Variants in MYO15A observed in about 807,000 individuals in gnomAD.
The protein encoded by MYO15A is myosin XVA, also known as unconventional myosin-XV.
MYO15A carries 308 observed loss-of-function variants against 394.6 expected under a neutral mutation model. The observed-to-expected ratio is 0.78, with a 90% CI of 0.71 to 0.86. MYO15A has a LOEUF of 0.86. Ranked by LOEUF, MYO15A falls within the 40% of genes least tolerant of loss-of-function variation. The pLI is 0.00. For synonymous variants in MYO15A, 1,957 were observed against 2,003.8 expected (o/e 0.98, Z 0.62); for missense variants, 4,606 against 4,799.1 (o/e 0.96, Z 1.19).
chr17:18,129,873 G>GTTTTTT (rs1420063888), intron 7 of MYO15A, among the ~76,000 whole-genome samples: 1 of 152,008 alleles, frequency 6.6e-6, no homozygotes, highest in Non-Finnish European at 1.5e-5. Context: ...TATTCCTTTT[G>GTTTTTT]TTTTTTGTTT....
Position 18,126,429 on chromosome 17 carries a change from A to G in MYO15A, c.3839A>G (p.Asn1280Ser). Residue 1280 changes from asparagine to serine, a missense_variant, in exon 5 of 66, where the codon AAC becomes AGC. By Grantham distance (46) the Asn-to-Ser change is conservative. Around this residue, in one of 2 missense-constraint regions of MYO15A, gnomAD observed 2,776 missense variants for 3,109.3 expected, o/e 0.89. Coordinates refer to ENST00000647165, the MANE Select transcript of MYO15A (RefSeq NM_016239.4). ...GGGCCGGAGCAGGTGCAGCAGTACA[A>G]CGGACGGGCCCTGGGAGAGAATCCC... Reference protein sequence around the residue: ...IYGPEQVQQYNGRALGENPPH... With the variant: ...IYGPEQVQQYSGRALGENPPH... 1 of 1,613,618 alleles carries G rather than the reference A, an allele frequency of 6.2e-7. No homozygotes were observed. Among genetic ancestry groups the G allele is most frequent in the Non-Finnish European group, 8.5e-7 (1 of 1,179,924 alleles).
intron 53 of MYO15A, 63 bp downstream of exon 53, chr17:18,159,060 G>A: frequency 6.5e-7 from 1 of 1,542,944 alleles, no homozygotes; most frequent in Non-Finnish European, 8.9e-7. Context: ...CCCCCTCCCA[G>A]GCCCCTGGGG....
In MYO15A at chr17:18,147,827, T is replaced by A. The variant is rs2046506755; in HGVS notation, c.6510-202T>A. Among the ~76,000 whole-genome samples the A allele has an allele frequency of 6.6e-6, 1 of 152,062 alleles. No homozygotes were observed. ...TTTTGTAGGCTAGCCTGGGACCCCT[T>A]AAGTGCAGTCCCAGAGCACTGGACT... On this transcript the variant is annotated intron_variant, in intron 30 of 65. Transcript: ENST00000647165. This position sits in a 1 kb window ranked among gnomAD's most constrained non-coding sequence, Gnocchi z 4.4.
At chr17:18,154,387 C>T (rs1203747126) in intron 44 of MYO15A, among the ~76,000 whole-genome samples, 197 bp downstream of exon 44, 6 of 152,170 alleles carry the variant, frequency 3.9e-5, no homozygotes, top group African/African-American at 9.7e-5. Context: ...CCAATCAGAG[C>T]CATAGTCTGT....
chr17:18,110,810 C>G (rs2045710901), intron 1 of MYO15A, among the ~76,000 whole-genome samples: 1 of 152,240 alleles, frequency 6.6e-6, no homozygotes, highest in Admixed American at 6.5e-5. Context: ...TCACTCTGCT[C>G]CAGCCATAGG....
At chr17:18,131,634 A>G in intron 10 of MYO15A, 103 bp downstream of exon 10, 1 of 1,355,520 alleles carries the variant, frequency 7.4e-7, no homozygotes, top group African/African-American at 1.4e-5. Flanking sequence ...CGTCAAATTA[A>G]TGAACGAATA....
intron 56 of MYO15A, 158 bp from the exon 57 acceptor site, chr17:18,161,159 C>A: frequency 8.7e-7 from 1 of 1,149,596 alleles, no homozygotes; most frequent in Non-Finnish European, 1.3e-6. Flanking sequence ...ACTTCCCAAG[C>A]AGAATATGCC....
chr17:18,113,835 C>CACACAA lies in MYO15A; in HGVS notation c.-219-4742_-219-4741insAACACA, dbSNP rs1555536609. On this transcript the variant is annotated intron_variant, in intron 1 of 65. Coordinates refer to ENST00000647165, the MANE Select transcript of MYO15A (RefSeq NM_016239.4). The stretch of plus-strand genomic sequence containing the variant: ...ACACACACACACACACACACACACA[C>CACACAA]ACACACTCTTCCTACAGAAAGGCCT... Among the ~76,000 whole-genome samples, 145 of 133,850 alleles carry CACACAA rather than the reference C, an allele frequency of 1.1e-3. 1 individual carries two copies. Among genetic ancestry groups the CACACAA allele is most frequent in the Middle Eastern group, 4.4e-3 (1 of 228 alleles). 87.8% of individuals were successfully genotyped at this position (133,850 alleles called of 152,430 possible). A position where few individuals can be genotyped will look rare whatever the true frequency, so the allele number is the denominator to read the frequency against.
chr17:18,151,387 G>A lies in MYO15A; in HGVS notation c.7655-8G>A, dbSNP rs1193758971. 1.9e-6 allele frequency: 3 copies of A among 1,614,030 alleles called. No homozygotes were observed. In the African/African-American group the frequency reaches 4.0e-5, roughly 22 times the overall value. On this transcript the variant is annotated splice_region_variant and splice_polypyrimidine_tract_variant and intron_variant, in intron 39 of 65. Coordinates refer to ENST00000647165, the MANE Select transcript of MYO15A (RefSeq NM_016239.4). ...TCACCCTGTTCCCACCGCGCCCCTTGCCCACAGCTTCACCCTCCCCAGAGC... is the reference window on the plus strand; with the variant it reads ...TCACCCTGTTCCCACCGCGCCCCTTACCCACAGCTTCACCCTCCCCAGAGC...
Position 18,151,546 on chromosome 17 carries a change from C to A in MYO15A, c.7787+19C>A. The A allele has an allele frequency of 6.2e-7, 1 of 1,613,150 alleles. No individual in the cohort carries two copies. ...CCCTCAGGTCAGCACTGCCCCTGCC[C>A]CCAGCCCGCCAGCCCCCTCACTGTA... On this transcript the variant is annotated intron_variant, in intron 40 of 65. Transcript: ENST00000647165.
At chr17:18,163,670 G>A (rs1038253608) in intron 59 of MYO15A, 72 bp from the exon 60 acceptor site, 289 of 1,382,060 alleles carry the variant, frequency 2.1e-4, no homozygotes, top group Admixed American at 8.6e-4. Context: ...GCCTCTGGGG[G>A]CCTGAGTGGG....
In MYO15A at chr17:18,148,039, G is replaced by A. The variant is rs1204008259; in HGVS notation, c.6520G>A (p.Asp2174Asn). 1.2e-6 allele frequency: 2 copies of A among 1,614,082 alleles called. No homozygotes were observed. The highest frequency in any genetic ancestry group is 1.7e-5 in the Admixed American group (1 of 60,024). The change falls in exon 31 of 66, where the codon GAT becomes AAT. Residue 2174 changes from aspartate to asparagine, a missense_variant. Physicochemically the swap from Asp to Asn is conservative, Grantham distance 23. This residue lies in a region of MYO15A where 2,776 missense variants were observed against 3,109.3 expected (regional missense o/e 0.89). Transcript: ENST00000647165. The surrounding 1 kb of genome is among the most constrained non-coding windows in gnomAD (Gnocchi z 4.8). Reference sequence around the variant, plus strand: ...ACTCCTACCCATCAGGTTTGTGTCTGATTATGGGCGGAATGGCTTCCAGGC... The same window carrying A: ...ACTCCTACCCATCAGGTTTGTGTCTAATTATGGGCGGAATGGCTTCCAGGC... ...FNKYLLKFVSDYGRNGFQAVC... is the reference protein window; with the variant it reads ...FNKYLLKFVSNYGRNGFQAVC...
At chr17:18,136,337 C>T in intron 13 of MYO15A, 80 bp from the exon 14 acceptor site, 1 of 1,550,414 alleles carries the variant, frequency 6.4e-7, no homozygotes, top group Non-Finnish European at 8.9e-7. Context: ...CTCCATGATC[C>T]CACTCCCTTA....
chr17:18,123,933 A>G lies in MYO15A; in HGVS notation c.3610-550A>G, dbSNP rs1451622748. ...CCAGCCGGGCCCCACAGGCCTGCGTATGTGCCCACAGGCCTACAGGAACAC... is the reference window on the plus strand; with the variant it reads ...CCAGCCGGGCCCCACAGGCCTGCGTGTGTGCCCACAGGCCTACAGGAACAC... On this transcript the variant is annotated intron_variant, in intron 2 of 65. Transcript: ENST00000647165. 5 of 177,888 alleles carry G rather than the reference A, an allele frequency of 2.8e-5. No homozygotes were observed. The East Asian group carries it at 6.8e-4, about 24-fold the overall frequency. The allele number at this position is 177,888 out of a possible 1,614,324, so 11.0% of individuals were successfully genotyped here. A position where few individuals can be genotyped will look rare whatever the true frequency, so the allele number is the denominator to read the frequency against.
At position 18,163,303 on chromosome 17, in the gene MYO15A, C is replaced by CA. The variant is rs2046802842; in HGVS notation, c.9676dup (p.Ile3226AsnfsTer17). On this transcript the variant is annotated frameshift_variant, in exon 59 of 66. Coordinates refer to ENST00000647165, the MANE Select transcript of MYO15A (RefSeq NM_016239.4). LOFTEE classifies it high-confidence loss of function. Reference sequence around the variant, plus strand: ...TTCCTGGAGGCCTTGAACGCCATCTCAAAATCAAAACATGCACTGTAAGTG... The same window carrying CA: ...TTCCTGGAGGCCTTGAACGCCATCTCAAAAATCAAAACATGCACTGTAAGTG... 3 of 1,614,146 alleles carry CA rather than the reference C, an allele frequency of 1.9e-6. No individual in the cohort carries two copies. Among genetic ancestry groups the CA allele is most frequent in the Non-Finnish European group, 2.5e-6 (3 of 1,180,012 alleles).
chr17:18,124,967 G>T (rs2046006239), intron 3 of MYO15A: 1 of 631,782 alleles, frequency 1.6e-6, no homozygotes, highest in African/African-American at 1.8e-5. Context: ...TAGGTACAAT[G>T]ATTATCATAC....
rs767494160 is a variant in MYO15A, at chr17:18,157,892, A to G, written c.8959A>G (p.Arg2987Gly). The part of the protein sequence containing the change: ...SAAAAQEVGR[R>G]REGPPVRARS... ...AGCCGCTGCACAGGAGGTGGGCCGC[A>G]GGAGAGAGGTGAGACCAGTGTGGGT... is the stretch of plus-strand genomic sequence containing the variant. The change falls in exon 51 of 66, where the codon AGG (arginine) becomes GGG (glycine). Residue 2987 changes from arginine to glycine, a missense_variant. By Grantham distance (125) the Arg-to-Gly change is moderately radical. Around this residue, in one of 2 missense-constraint regions of MYO15A, gnomAD observed 2,776 missense variants for 3,109.3 expected, o/e 0.89. Transcript: ENST00000647165. The G allele has an allele frequency of 6.7e-6, 7 of 1,045,334 alleles. No homozygotes were observed. The highest frequency in any genetic ancestry group is 8.5e-6 in the Non-Finnish European group (7 of 822,416). 64.8% of individuals were successfully genotyped at this position (1,045,334 alleles called of 1,614,324 possible). A position where few individuals can be genotyped will look rare whatever the true frequency, so the allele number is the denominator to read the frequency against.
chr17:18,152,666 G>A (rs532454218), intron 42 of MYO15A, among the ~76,000 whole-genome samples: 21 of 152,032 alleles, frequency 1.4e-4, no homozygotes, highest in Admixed American at 1.0e-3. Flanking sequence ...ACTCCTCACC[G>A]TGGCCTATGA....
Position 18,143,870 on chromosome 17 carries a change from G to A in MYO15A, c.6047G>A (p.Gly2016Asp). The part of the protein sequence containing the change: ...ELAGLLQAVA[G>D]LGLAQVPQVA... ...ACCGCATTCCCTCCTCTTTCCACAGGCCTCGGGCTGGCCCAGGTGCCTCAG... is the reference window on the plus strand; with the variant it reads ...ACCGCATTCCCTCCTCTTTCCACAGACCTCGGGCTGGCCCAGGTGCCTCAG... The change falls in exon 28 of 66, where the codon GGC (glycine) becomes GAC (aspartate). Residue 2016 changes from glycine (G) to aspartate (D), a missense_variant and splice_region_variant. This residue lies in a region of MYO15A where 2,776 missense variants were observed against 3,109.3 expected (regional missense o/e 0.89). Coordinates refer to ENST00000647165, the MANE Select transcript of MYO15A (RefSeq NM_016239.4). 6.3e-7 allele frequency: 1 copy of A among 1,579,588 alleles called. No individual in the cohort carries two copies.
Sources: gnomAD v4.1 joint callset for allele counts (sites outside exome capture counted in the v4.1 genomes callset) on GRCh38, gnomAD v4.1.1 for gene constraint, gnomAD v4.1.1 regional missense constraint, Gnocchi (gnomAD v3.1) non-coding constraint, MANE v1.5 for transcripts, NCBI Gene and HGNC (gene_info 2026-07-23, HGNC 2026-07-21) for gene names.